The following RC3H1 variants were observed in gnomAD, a reference collection of about 807,000 sequenced individuals.
RC3H1 encodes the protein ring finger and CCCH-type domains 1.
A neutral mutation model predicts 138.2 loss-of-function variants in RC3H1; 50 were observed. That is an observed-to-expected ratio of 0.36 (90% CI 0.29 to 0.46). RC3H1 has a LOEUF of 0.46. RC3H1 is among the 20% of genes least tolerant of loss of function. The pLI is 1.00. For missense variants in RC3H1, 1,031 were observed against 1,388.1 expected (o/e 0.74, Z 4.09); for synonymous variants, 462 against 489.1 (o/e 0.94, Z 0.73).
At chr1:174,021,703 C>T (rs997276428) in intron 1 of RC3H1, among the ~76,000 whole-genome samples, 1 of 152,110 alleles carries the variant, frequency 6.6e-6, no homozygotes, top group African/African-American at 2.4e-5. Context: ...CTTCGCCCTC[C>T]CCCACCCCCA....
chr1:173,970,914 T>C (rs1275107211), intron 8 of RC3H1, among the ~76,000 whole-genome samples: 1 of 151,718 alleles, frequency 6.6e-6, no homozygotes, highest in Non-Finnish European at 1.5e-5. Context: ...ACTTGTATTA[T>C]ATGGAAAAAG....
chr1:173,994,669 G>C (rs1241027262), intron 1 of RC3H1, among the ~76,000 whole-genome samples: 6 of 150,822 alleles, frequency 4.0e-5, no homozygotes, highest in Admixed American at 6.6e-5. Flanking sequence ...ATGCACCTGT[G>C]GTCCCAGCAA....
rs1309938693 is a variant in RC3H1 at position 173,936,797 on chromosome 1, T to C, written c.*1924A>G. 4 of 119,542 alleles carry C rather than the reference T, an allele frequency of 3.3e-5. No individual in the cohort carries two copies. Among genetic ancestry groups the C allele is most frequent in the Non-Finnish European group, 6.9e-5 (4 of 57,836 alleles). 7.4% of individuals were successfully genotyped at this position (119,542 alleles called of 1,614,324 possible). A position where few individuals can be genotyped will look rare whatever the true frequency, so the allele number is the denominator to read the frequency against. ...TTTTTTTAAAAAAAGAAGACAAATGTATAAGAAAACTGGAAAAAAAAAAAG... is the reference window on the plus strand; with the variant it reads ...TTTTTTTAAAAAAAGAAGACAAATGCATAAGAAAACTGGAAAAAAAAAAAG... On this transcript the variant is annotated 3_prime_UTR_variant, in exon 20 of 20. Transcript: ENST00000367696.
rs1391492012 is a variant in RC3H1 at position 173,932,593 on chromosome 1, G to A, written c.*6128C>T. 2.0e-5 allele frequency: 3 copies of A among 152,012 alleles called. No homozygotes were observed. Among genetic ancestry groups the A allele is most frequent in the Non-Finnish European group, 4.4e-5 (3 of 67,942 alleles). 9.4% of individuals were successfully genotyped at this position (152,012 alleles called of 1,614,324 possible). ...GGAAGAGGAAAAAGGATGAACAGGGGAGAAGTGTGAAAATTTAGGCCAACG... is the reference window on the plus strand; with the variant it reads ...GGAAGAGGAAAAAGGATGAACAGGGAAGAAGTGTGAAAATTTAGGCCAACG... On this transcript the variant is annotated 3_prime_UTR_variant, in exon 20 of 20. Transcript: ENST00000367696.
intron 1 of RC3H1, among the ~76,000 whole-genome samples, chr1:174,010,131 T>C (rs1221614404): frequency 6.6e-6 from 1 of 151,514 alleles, no homozygotes; most frequent in African/African-American, 2.4e-5. Context: ...GTCCTCACTT[T>C]TATCTTCCAT....
chr1:173,991,072 A>G (rs1477063979), intron 2 of RC3H1, among the ~76,000 whole-genome samples: 2 of 152,194 alleles, frequency 1.3e-5, no homozygotes, highest in East Asian at 3.9e-4. Context: ...TCGACTAAAA[A>G]TACAAAAATT....
chr1:173,996,793 G>A (rs1661469355), intron 1 of RC3H1, among the ~76,000 whole-genome samples: 1 of 152,056 alleles, frequency 6.6e-6, no homozygotes, highest in Admixed American at 6.5e-5. Context: ...TTCCCTCAGA[G>A]ACCCACTGCT....
At chr1:174,020,780 G>C (rs1661941846) in intron 1 of RC3H1, among the ~76,000 whole-genome samples, 1 of 152,154 alleles carries the variant, frequency 6.6e-6, no homozygotes, top group Non-Finnish European at 1.5e-5. Context: ...AGGCGGAGGA[G>C]GGCAGATGAC....
chr1:174,005,617 T>G (rs1661640231), intron 1 of RC3H1, among the ~76,000 whole-genome samples: 1 of 152,100 alleles, frequency 6.6e-6, no homozygotes, highest in Non-Finnish European at 1.5e-5. Context: ...ACAACATGCC[T>G]AAATTTGGCT....
chr1:173,982,990 G>T, intron 4 of RC3H1, 88 bp from the exon 5 acceptor site: 1 of 1,217,596 alleles, frequency 8.2e-7, no homozygotes, highest in Non-Finnish European at 1.1e-6. Context: ...AATCATTTCT[G>T]CAGCTATTCA....
intron 13 of RC3H1, among the ~76,000 whole-genome samples, chr1:173,953,112 T>C (rs1052185008): frequency 2.0e-5 from 3 of 152,194 alleles, no homozygotes; most frequent in Non-Finnish European, 4.4e-5. Context: ...TGCTCACTAA[T>C]ATCACTCATT....
rs756283591 is a variant in RC3H1, at chr1:173,972,616, G to A, written c.1114C>T (p.Pro372Ser). 4 of 1,609,188 alleles carry A rather than the reference G, an allele frequency of 2.5e-6. No individual in the cohort carries two copies. Among genetic ancestry groups the A allele is most frequent in the African/African-American group, 2.7e-5 (2 of 74,940 alleles). The change falls in exon 8 of 20, where the codon CCT becomes TCT. Residue 372 changes from proline (P) to serine (S), a missense_variant. Physicochemically the swap from Pro to Ser is moderately conservative, Grantham distance 74. Around this residue, in one of 7 missense-constraint regions of RC3H1, gnomAD observed 142 missense variants for 224.6 expected, o/e 0.63. Transcript: ENST00000367696. ...NIDPSPDAPP[P>S]TWEQLENGLV... is the part of the protein sequence containing the mutation. The stretch of plus-strand genomic sequence containing the variant: ...CCATTTTCCAGCTGTTCCCAAGTAG[G>A]AGGAGGAGCATCTATACAACCAATG...
rs183796024 is a variant in RC3H1, at chr1:173,992,568, T to G, written c.231+187A>C. Reference sequence around the variant, plus strand: ...CCACAATAAATCTAACATGCTGAAATAAAGGATTTACAGTACCAAACAGAA... The same window carrying G: ...CCACAATAAATCTAACATGCTGAAAGAAAGGATTTACAGTACCAAACAGAA... On this transcript the variant is annotated intron_variant, in intron 2 of 19. Coordinates refer to ENST00000367696, the MANE Select transcript of RC3H1 (RefSeq NM_172071.4). Among the ~76,000 whole-genome samples the G allele has an allele frequency of 5.3e-5, 8 of 152,134 alleles. No individual in the cohort carries two copies. In the East Asian group the frequency reaches 1.5e-3, roughly 29 times the overall value.
At chr1:173,979,118 T>C (rs562451807) in intron 6 of RC3H1, among the ~76,000 whole-genome samples, 9 of 152,382 alleles carry the variant, frequency 5.9e-5, no homozygotes, top group Admixed American at 2.6e-4. Flanking sequence ...CGTGTGTGAC[T>C]AGTGATCACC....
At chr1:173,950,511 TCCAGGAGTGTGAGG>T (rs1248244126) in intron 14 of RC3H1, among the ~76,000 whole-genome samples, 1 of 141,670 alleles carries the variant, frequency 7.1e-6, no homozygotes, top group African/African-American at 2.7e-5. Context: ...ATCACTTGAG[TCCAGGAGTGTGAGG>T]CTGCAGTGAG....
intron 3 of RC3H1, 145 bp from the exon 4 acceptor site, chr1:173,983,802 C>A: frequency 1.3e-6 from 1 of 741,706 alleles, no homozygotes; most frequent in Non-Finnish European, 2.2e-6. Flanking sequence ...TAAAACCACA[C>A]ATGTAAAGCT....
At chr1:173,974,277 CAAAAAAAAAAAAAA>C (rs571801899) in intron 7 of RC3H1, among the ~76,000 whole-genome samples, 1 of 47,204 alleles carries the variant, frequency 2.1e-5, no homozygotes, top group African/African-American at 8.4e-5. Context: ...GAGACTGTCT[CAAAAAAAAAAAAAA>C]AAAAAAAAAA....
intron 15 of RC3H1, 55 bp downstream of exon 15, chr1:173,947,314 T>C: frequency 4.1e-6 from 5 of 1,208,588 alleles, no homozygotes; most frequent in Admixed American, 1.7e-5. Context: ...GCAGGGGTAA[T>C]GCTGAAAGTC....
At chr1:174,007,105 A>G (rs1661666939) in intron 1 of RC3H1, among the ~76,000 whole-genome samples, 2 of 152,096 alleles carry the variant, frequency 1.3e-5, no homozygotes, top group Non-Finnish European at 2.9e-5. Flanking sequence ...ATTCTATATA[A>G]CAGGCCAGGC....
Sources: gnomAD v4.1 joint callset for allele counts (sites outside exome capture counted in the v4.1 genomes callset) on GRCh38, gnomAD v4.1.1 for gene constraint, gnomAD v4.1.1 regional missense constraint, MANE v1.5 for transcripts, NCBI Gene and HGNC (gene_info 2026-07-23, HGNC 2026-07-21) for gene names.